Variants in NPSR1 observed in about 807,000 individuals in gnomAD.
The protein encoded by NPSR1 is neuropeptide S receptor 1, also known as neuropeptide S receptor.
Under a neutral mutation model 46.9 loss-of-function variants are expected in NPSR1, and 48 were observed. The ratio of observed to expected loss-of-function variants is 1.02; its 90% confidence interval spans 0.81 to 1.30. The LOEUF is 1.30. NPSR1 is among the 50% of genes most tolerant of loss of function. The probability of loss-of-function intolerance (pLI) is 0.00; values close to 1 mark genes in which losing one functional copy is unlikely to be tolerated. For missense variants in NPSR1, 450 were observed against 449.5 expected (o/e 1.00, Z -0.01); for synonymous variants, 176 against 168.1 (o/e 1.05, Z -0.36).
intron 1 of NPSR1, among the ~76,000 whole-genome samples, chr7:34,672,229 A>C (rs1002805301): frequency 1.3e-5 from 2 of 152,180 alleles, no homozygotes; most frequent in Non-Finnish European, 2.9e-5. Context: ...TGGGTTTCCA[A>C]ATGATTTCTA....
At chr7:34,744,712 T>A (rs1425924610) in intron 2 of NPSR1, among the ~76,000 whole-genome samples, 1 of 152,220 alleles carries the variant, frequency 6.6e-6, no homozygotes, top group Non-Finnish European at 1.5e-5. Context: ...ACAACATCCA[T>A]CATCTCTGTA....
At chr7:34,716,074 C>A (rs1002806382) in intron 2 of NPSR1, among the ~76,000 whole-genome samples, 9 of 151,662 alleles carry the variant, frequency 5.9e-5, no homozygotes, top group Non-Finnish European at 1.3e-4. Context: ...GGATGTACAA[C>A]AAATTATGCT....
Position 34,662,225 on chromosome 7 carries a change from C to T in NPSR1, c.147+3666C>T, listed in dbSNP as rs145589469. ...TTGCGCCTCCTTCGGTGGATAGTTA[C>T]AAGTGATACACAATTAGTCTATTGT... On this transcript the variant is annotated intron_variant, in intron 1 of 8. Coordinates refer to ENST00000360581, the MANE Select transcript of NPSR1 (RefSeq NM_207172.2). 2.6e-5 allele frequency among the ~76,000 whole-genome samples: 4 copies of T among 152,294 alleles called. No individual in the cohort carries two copies. The East Asian group carries it at 7.7e-4, about 29-fold the overall frequency.
intron 1 of NPSR1, among the ~76,000 whole-genome samples, chr7:34,665,863 C>T (rs1467701349): frequency 6.6e-6 from 1 of 152,020 alleles, no homozygotes; most frequent in Non-Finnish European, 1.5e-5. Context: ...TACACAGTGA[C>T]AGACACACAT....
At chr7:34,730,252 T>G (rs1017567396) in intron 2 of NPSR1, among the ~76,000 whole-genome samples, 33 of 152,304 alleles carry the variant, frequency 2.2e-4, no homozygotes, top group Non-Finnish European at 1.5e-5. Context: ...TTTAAGTGCA[T>G]TTGAAATGAA....
chr7:34,875,587 G>T (rs995571195), intron 8 of NPSR1, among the ~76,000 whole-genome samples: 3 of 152,162 alleles, frequency 2.0e-5, no homozygotes, highest in Admixed American at 6.5e-5. Flanking sequence ...CGAATCAAGC[G>T]CTCCCTGAGA....
intron 6 of NPSR1, among the ~76,000 whole-genome samples, chr7:34,840,150 G>A (rs1200473121): frequency 6.6e-6 from 1 of 152,020 alleles, no homozygotes; most frequent in African/African-American, 2.4e-5. Context: ...TCCTGAAAGG[G>A]AATGCAAAAT....
At chr7:34,734,078 G>T (rs1364445395) in intron 2 of NPSR1, among the ~76,000 whole-genome samples, 2 of 152,208 alleles carry the variant, frequency 1.3e-5, no homozygotes, top group African/African-American at 2.4e-5. Flanking sequence ...AAAGAAACCA[G>T]ATTGGAGGAG....
At chr7:34,776,099 T>A (rs1786944200) in intron 2 of NPSR1, among the ~76,000 whole-genome samples, 1 of 152,162 alleles carries the variant, frequency 6.6e-6, no homozygotes, top group Non-Finnish European at 1.5e-5. Context: ...TGATGCTTCA[T>A]ATTATATTAT....
chr7:34,705,376 G>A (rs185878505), intron 2 of NPSR1, among the ~76,000 whole-genome samples: 76 of 151,166 alleles, frequency 5.0e-4, no homozygotes, highest in African/African-American at 1.6e-3. Flanking sequence ...GCAGTGAGCA[G>A]GGATCACGCC....
At chr7:34,697,574 T>C (rs1411506343) in intron 2 of NPSR1, among the ~76,000 whole-genome samples, 1 of 151,994 alleles carries the variant, frequency 6.6e-6, no homozygotes, top group Admixed American at 6.5e-5. Context: ...TCCTGTATAC[T>C]TTAAGTCATC....
intron 3 of NPSR1, among the ~76,000 whole-genome samples, chr7:34,791,069 A>G (rs1562730771): frequency 8.3e-6 from 1 of 120,366 alleles, no homozygotes; most frequent in African/African-American, 3.4e-5. Flanking sequence ...TATATATTAT[A>G]TTATATATGT....
At chr7:34,666,733 T>A (rs1352309713) in intron 1 of NPSR1, among the ~76,000 whole-genome samples, 1 of 152,170 alleles carries the variant, frequency 6.6e-6, no homozygotes, top group African/African-American at 2.4e-5. Flanking sequence ...TCTTAAAACA[T>A]GGCCCCCAGA....
At chr7:34,746,411 T>A (rs765703999) in intron 2 of NPSR1, among the ~76,000 whole-genome samples, 1 of 152,238 alleles carries the variant, frequency 6.6e-6, no homozygotes, top group Non-Finnish European at 1.5e-5. Context: ...ATTATTGTTG[T>A]TCATTTCTTT....
chr7:34,778,709 G>T, intron 3 of NPSR1, 144 bp downstream of exon 3: 2 of 536,178 alleles, frequency 3.7e-6, no homozygotes, highest in South Asian at 2.8e-5. Flanking sequence ...ATGAAAATTT[G>T]ATTTTTAATG....
intron 2 of NPSR1, among the ~76,000 whole-genome samples, chr7:34,747,396 T>C (rs1242624294): frequency 6.6e-6 from 1 of 152,190 alleles, no homozygotes; most frequent in Non-Finnish European, 1.5e-5. Context: ...TGTGGGTCTC[T>C]GCACCTGCAG....
intron 2 of NPSR1, among the ~76,000 whole-genome samples, chr7:34,733,418 T>TA (rs34203443): frequency 0.36 from 47,584 of 131,500 alleles, 8,334 homozygotes; most frequent in East Asian, 0.46. Context: ...GATTTTGTCT[T>TA]AAAAAAAAAA....
chr7:34,830,887 G>A (rs935952807), intron 5 of NPSR1, among the ~76,000 whole-genome samples: 3 of 152,060 alleles, frequency 2.0e-5, no homozygotes, highest in African/African-American at 7.2e-5. Flanking sequence ...CTCCAGCCAT[G>A]GAACAAACAC....
At chr7:34,813,283 T>C (rs948514263) in intron 4 of NPSR1, among the ~76,000 whole-genome samples, 1 of 152,254 alleles carries the variant, frequency 6.6e-6, no homozygotes, top group South Asian at 2.1e-4. Flanking sequence ...GATTCATACA[T>C]ATTAAATATT....
Sources: allele counts gnomAD v4.1 joint callset (sites outside exome capture counted in the v4.1 genomes callset), GRCh38; gene constraint gnomAD v4.1.1; transcripts MANE v1.5; gene names NCBI Gene and HGNC (gene_info 2026-07-23, HGNC 2026-07-21).